Variants in CCDC158 observed in about 807,000 individuals in gnomAD.
The protein encoded by CCDC158 is coiled-coil domain-containing protein 158.
In CCDC158, 116 loss-of-function variants were observed where a neutral mutation model predicts 138.6. The ratio of observed to expected loss-of-function variants is 0.84; its 90% CI spans 0.72 to 0.98. The LOEUF (loss-of-function observed/expected upper bound fraction) is 0.98, where lower values mean the gene tolerates loss of function less well. Among genes scored for constraint, CCDC158 ranks in the 50% least tolerant of loss-of-function variants. CCDC158 has a pLI of 0.00. For missense variants in CCDC158, 1,265 were observed against 1,306.1 expected (o/e 0.97, Z 0.48); for synonymous variants, 436 against 442.4 (o/e 0.99, Z 0.18).
At chr4:76,362,532 G>A (rs998546106) in intron 12 of CCDC158, among the ~76,000 whole-genome samples, 1 of 152,102 alleles carries the variant, frequency 6.6e-6, no homozygotes, top group Non-Finnish European at 1.5e-5. Context: ...AATAGAAAGT[G>A]GGAAAATATT....
intron 3 of CCDC158, chr4:76,401,960 G>A (rs17001904): frequency 0.029 from 4,470 of 152,360 alleles, 219 homozygotes; most frequent in African/African-American, 0.1. Context: ...TGAGCATAGT[G>A]AGAAGCAGAA....
rs1416061651 is a variant in CCDC158, at chr4:76,361,494, G to A, written c.2020+632C>T. On this transcript the variant is annotated intron_variant, in intron 13 of 24. Coordinates refer to ENST00000682701, the MANE Select transcript of CCDC158 (RefSeq NM_001394954.1). ...GGAGAATGGCATGAACCCGGGAGGCGGAGCTTGCAGTGAGCTGAGATCACG... is the reference window on the plus strand; with the variant it reads ...GGAGAATGGCATGAACCCGGGAGGCAGAGCTTGCAGTGAGCTGAGATCACG... 9.2e-5 allele frequency among the ~76,000 whole-genome samples: 14 copies of A among 152,224 alleles called. 1 individual carries two copies. The highest frequency in any genetic ancestry group is 2.4e-4 in the African/African-American group (10 of 41,520).
At chr4:76,324,349 G>A (rs569023804) in intron 23 of CCDC158, among the ~76,000 whole-genome samples, 52 of 151,904 alleles carry the variant, frequency 3.4e-4, no homozygotes, top group African/African-American at 1.2e-3. Flanking sequence ...CACCACGCCC[G>A]GCTAATTTTG....
At chr4:76,416,610 C>T (rs970907145) in intron 1 of CCDC158, among the ~76,000 whole-genome samples, 19 of 152,168 alleles carry the variant, frequency 1.2e-4, no homozygotes, top group Admixed American at 2.0e-4. Context: ...CTAGGGACTT[C>T]GTGCCCTGTG....
intron 18 of CCDC158, chr4:76,344,564 T>C: frequency 1.8e-6 from 2 of 1,097,802 alleles, no homozygotes; most frequent in Non-Finnish European, 2.8e-6. Context: ...CATCTGTATC[T>C]CTGGACCTGA....
chr4:76,409,624 G>A (rs2109898961), intron 2 of CCDC158, among the ~76,000 whole-genome samples: 1 of 152,228 alleles, frequency 6.6e-6, no homozygotes, highest in East Asian at 1.9e-4. Context: ...GCGGTCAGGA[G>A]ATAGAGACCA....
chr4:76,388,916 C>T (rs1227339936), intron 4 of CCDC158, among the ~76,000 whole-genome samples: 3 of 152,080 alleles, frequency 2.0e-5, no homozygotes, highest in African/African-American at 7.2e-5. Flanking sequence ...AGGCAGTATC[C>T]CTATGAGTCT....
chr4:76,329,431 A>C (rs1346989109), intron 21 of CCDC158, among the ~76,000 whole-genome samples: 1 of 152,080 alleles, frequency 6.6e-6, no homozygotes, highest in East Asian at 1.9e-4. Context: ...AAAAATAAGA[A>C]AAATTAGCCG....
intron 24 of CCDC158, among the ~76,000 whole-genome samples, chr4:76,317,316 C>T (rs1021526087): frequency 3.9e-5 from 6 of 151,958 alleles, no homozygotes; most frequent in Non-Finnish European, 4.4e-5. Flanking sequence ...ATACCACAAA[C>T]GAACAGGGGT....
At chr4:76,345,643 C>T in intron 18 of CCDC158, 1 of 791,822 alleles carries the variant, frequency 1.3e-6, no homozygotes, top group Non-Finnish European at 2.3e-6. Context: ...CCAAGCATCA[C>T]TTGCACTTAA....
chr4:76,324,196 CT>C (rs764232084), intron 23 of CCDC158, among the ~76,000 whole-genome samples: 1,786 of 136,516 alleles, frequency 0.013, 7 homozygotes, highest in Non-Finnish European at 0.018. Flanking sequence ...TGGAGAGTTT[CT>C]TTTTTTTTTT....
At chr4:76,412,053 A>C (rs1729337524) in intron 2 of CCDC158, 37 bp downstream of exon 2, 1 of 152,238 alleles carries the variant, frequency 6.6e-6, no homozygotes, top group Admixed American at 6.5e-5. Context: ...ATATGTTCAC[A>C]ATTCTTAAAT....
chr4:76,367,637 C>G lies in CCDC158; in HGVS notation c.1487G>C (p.Arg496Thr). 1 of 1,614,208 alleles carries G rather than the reference C, an allele frequency of 6.2e-7. No individual in the cohort carries two copies. Residue 496 changes from arginine (R) to threonine (T), a missense_variant, in exon 12 of 25, where the codon AGG (arginine) becomes ACG (threonine). Physicochemically the swap from Arg to Thr is moderately conservative, Grantham distance 71. Coordinates refer to ENST00000682701, the MANE Select transcript of CCDC158 (RefSeq NM_001394954.1). Reference protein sequence around the residue: ...AKKMTLESSERTISDLTTSLQ... With the variant: ...AKKMTLESSETTISDLTTSLQ... ...AGAAGTTGTCAGGTCCGATATTGTC[C>G]TCTCTGAGCTCTCCAGAGTCATTTT... is the stretch of plus-strand genomic sequence containing the variant.
At chr4:76,344,705 T>C (rs1302028613) in intron 18 of CCDC158, 6 of 1,613,904 alleles carry the variant, frequency 3.7e-6, no homozygotes, top group Non-Finnish European at 5.1e-6. Flanking sequence ...CAAGGCAACA[T>C]GAAGACTTTG....
At chr4:76,327,196 G>C (rs923267966) in intron 22 of CCDC158, among the ~76,000 whole-genome samples, 2 of 152,004 alleles carry the variant, frequency 1.3e-5, no homozygotes, top group African/African-American at 4.8e-5. Context: ...ACATATAAAC[G>C]AAGTAAACCT....
rs60807338 is a variant in CCDC158 at position 76,318,938 on chromosome 4, G to T, written c.3277+4364C>A. Among the ~76,000 whole-genome samples the T allele has an allele frequency of 1.7e-3, 257 of 152,244 alleles. 4 individuals are homozygous for T. The East Asian group carries it at 0.041, about 24-fold the overall frequency. ...AGGTCAAGAGTTCGAGACCAGCCTG[G>T]CCAACATGGTGAAACCCCATCACTA... On this transcript the variant is annotated intron_variant, in intron 24 of 24. Transcript: ENST00000682701.
intron 8 of CCDC158, 37 bp from the exon 9 acceptor site, chr4:76,379,441 C>A: frequency 7.7e-7 from 1 of 1,300,330 alleles, no homozygotes; most frequent in Non-Finnish European, 1.1e-6. Flanking sequence ...GTGCAAATAG[C>A]AAACTAAGAA....
At chr4:76,417,828 G>T (rs1404758128) in intron 1 of CCDC158, among the ~76,000 whole-genome samples, 1 of 152,146 alleles carries the variant, frequency 6.6e-6, no homozygotes, top group Non-Finnish European at 1.5e-5. Flanking sequence ...CTTCTTAAAA[G>T]AAATGCCATC....
chr4:76,374,546 G>A (rs1046692475), intron 9 of CCDC158, among the ~76,000 whole-genome samples: 3 of 152,054 alleles, frequency 2.0e-5, no homozygotes, highest in Non-Finnish European at 2.9e-5. Flanking sequence ...TATTCTAGAC[G>A]ATCTCTCATG....
Sources: allele counts gnomAD v4.1 joint callset (sites outside exome capture counted in the v4.1 genomes callset), GRCh38; gene constraint gnomAD v4.1.1; transcripts MANE v1.5; gene names NCBI Gene and HGNC (gene_info 2026-07-23, HGNC 2026-07-21).